TENM3: variants seen among roughly 807,000 people sequenced by gnomAD.
TENM3 encodes the protein teneurin transmembrane protein 3, also known as teneurin-3.
TENM3 carries 63 observed loss-of-function variants against 255.1 expected under a neutral mutation model. That is an observed-to-expected ratio of 0.25 (90% CI 0.20 to 0.30). TENM3 has a LOEUF of 0.30. Ranked by LOEUF, TENM3 falls within the 10% of genes least tolerant of loss-of-function variation. The pLI is 1.00. For synonymous variants in TENM3, 1,306 were observed against 1,322.3 expected (o/e 0.99, Z 0.27); for missense variants, 2,929 against 3,461.1 (o/e 0.85, Z 3.86).
At chr4:182,024,875 A>G in the TENM3 span, among the ~76,000 whole-genome samples, 2 of 151,670 alleles carry the variant, frequency 1.3e-5, no homozygotes, top group Non-Finnish European at 1.5e-5. Flanking sequence ...TCTACTCTCT[A>G]TCTCCATAAG....
chr4:182,071,513 T>G, the TENM3 span, among the ~76,000 whole-genome samples: 1 of 151,032 alleles, frequency 6.6e-6, no homozygotes, highest in South Asian at 2.1e-4. Context: ...TGGCGCGATC[T>G]CGGCTCGCTG....
chr4:182,210,618 GTTTTTTTTT>G (rs58035061), intron 1 of TENM3, among the ~76,000 whole-genome samples: 1 of 132,288 alleles, frequency 7.6e-6, no homozygotes, highest in Non-Finnish European at 1.6e-5. Flanking sequence ...CCCCTCTCTA[GTTTTTTTTT>G]TTTTTTTTGT....
the TENM3 span, among the ~76,000 whole-genome samples, chr4:181,721,089 T>G: frequency 6.6e-6 from 1 of 150,902 alleles, no homozygotes; most frequent in African/African-American, 2.4e-5. Flanking sequence ...ATGAATAGCA[T>G]TCAGATAAAT....
At chr4:181,737,650 A>G in the TENM3 span, among the ~76,000 whole-genome samples, 1 of 152,106 alleles carries the variant, frequency 6.6e-6, no homozygotes, top group Non-Finnish European at 1.5e-5. Context: ...TCAGTCTATC[A>G]TAAAGATAAT....
chr4:181,998,628 C>T, the TENM3 span, among the ~76,000 whole-genome samples: 26 of 152,128 alleles, frequency 1.7e-4, no homozygotes, highest in Admixed American at 1.6e-3. Flanking sequence ...GCCCTGCCAA[C>T]ACAACCCCAC....
the TENM3 span, among the ~76,000 whole-genome samples, chr4:181,826,973 A>G: frequency 1.3e-5 from 2 of 152,192 alleles, no homozygotes; most frequent in African/African-American, 4.8e-5. Flanking sequence ...CAGAAATGGC[A>G]AGAATTCAGA....
the TENM3 span, among the ~76,000 whole-genome samples, chr4:181,987,361 G>A: frequency 2.6e-5 from 4 of 152,116 alleles, no homozygotes; most frequent in Non-Finnish European, 5.9e-5. Context: ...CCCTGAGAGA[G>A]ATAAAAGGCT....
intron 1 of TENM3, among the ~76,000 whole-genome samples, chr4:182,268,887 A>T (rs1019684733): frequency 6.6e-6 from 1 of 152,182 alleles, no homozygotes; most frequent in African/African-American, 2.4e-5. Flanking sequence ...CTGTCTATGG[A>T]GTAGCCATTC....
Position 182,593,181 on chromosome 4 carries a change from TA to T in TENM3, c.512-7741del, listed in dbSNP as rs1746843359. Among the ~76,000 whole-genome samples, 5 of 152,332 alleles carry T rather than the reference TA, an allele frequency of 3.3e-5. No individual in the cohort carries two copies. The East Asian group carries it at 9.6e-4, about 29-fold the overall frequency. On this transcript the variant is annotated intron_variant, in intron 3 of 27. Transcript: ENST00000511685. ...ATATGTGTATCATATTGCAAGCTCT[TA>T]AGAGGGCTAAGGCCAGAGGGTTTTC... is the stretch of plus-strand genomic sequence containing the variant.
the TENM3 span, among the ~76,000 whole-genome samples, chr4:181,605,560 A>AGAG: frequency 2.6e-4 from 7 of 26,804 alleles, no homozygotes; most frequent in African/African-American, 6.6e-4. Flanking sequence ...GAAAGAAAGA[A>AGAG]AGAAAGAAAG....
intron 13 of TENM3, among the ~76,000 whole-genome samples, chr4:182,727,849 C>A (rs1760345398): frequency 6.8e-6 from 1 of 147,066 alleles, no homozygotes. Context: ...ACACACTTAA[C>A]CTTCCTTAGA....
the TENM3 span, among the ~76,000 whole-genome samples, chr4:181,681,276 C>T: frequency 2.5e-5 from 3 of 120,536 alleles, no homozygotes; most frequent in African/African-American, 8.0e-5. Context: ...AAGATTATTC[C>T]ATTTCAGTTT....
chr4:182,247,452 C>T (rs1710670246), intron 1 of TENM3, among the ~76,000 whole-genome samples: 1 of 152,116 alleles, frequency 6.6e-6, no homozygotes, highest in Non-Finnish European at 1.5e-5. Flanking sequence ...AACTCACCCG[C>T]CTTAGAAGGA....
chr4:182,493,021 C>T (rs563234729), intron 3 of TENM3, among the ~76,000 whole-genome samples: 4 of 151,852 alleles, frequency 2.6e-5, no homozygotes, highest in African/African-American at 7.2e-5. Flanking sequence ...TGCCATGAGA[C>T]GTGACAATTT....
At chr4:181,500,138 C>G in the TENM3 span, among the ~76,000 whole-genome samples, 5 of 151,992 alleles carry the variant, frequency 3.3e-5, no homozygotes, top group Non-Finnish European at 4.4e-5. Context: ...AAGCGATTCT[C>G]CCGTCTCATC....
the TENM3 span, among the ~76,000 whole-genome samples, chr4:181,669,850 G>A: frequency 6.6e-6 from 1 of 152,138 alleles, no homozygotes; most frequent in Non-Finnish European, 1.5e-5. Flanking sequence ...GGGACCTCTA[G>A]GGAGAACTTC....
At chr4:182,241,518 C>CTTTTTT (rs982739950), upstream of TENM3, among the ~76,000 whole-genome samples, 20,106 of 113,384 alleles carry the variant, frequency 0.18, 1,932 homozygotes, top group African/African-American at 0.2. Context: ...TTTTTTCTTT[C>CTTTTTT]TTTTTTTTTT....
the TENM3 span, among the ~76,000 whole-genome samples, chr4:181,907,187 G>A: frequency 1.2e-4 from 19 of 152,130 alleles, no homozygotes; most frequent in Admixed American, 5.2e-4. Context: ...ATGCAGATAG[G>A]TATTTCTCTG....
intron 4 of TENM3, among the ~76,000 whole-genome samples, chr4:182,606,352 C>T (rs920450613): frequency 4.6e-5 from 7 of 151,622 alleles, no homozygotes; most frequent in East Asian, 1.9e-4. Flanking sequence ...GGTGAAACCC[C>T]GTCTCTACGA....
Sources: gnomAD v4.1 joint callset for allele counts (sites outside exome capture counted in the v4.1 genomes callset) on GRCh38, gnomAD v4.1.1 for gene constraint, MANE v1.5 for transcripts, NCBI Gene and HGNC (gene_info 2026-07-23, HGNC 2026-07-21) for gene names.